The following TMEM132C variants were observed in gnomAD, a reference collection of about 807,000 sequenced individuals.
The protein encoded by TMEM132C is transmembrane protein 132C, also known as protein phosphatase 1, regulatory subunit 152.
In TMEM132C, 29 loss-of-function variants were observed where a neutral mutation model predicts 61.4. That is an observed-to-expected ratio of 0.47 (90% confidence interval 0.35 to 0.64). TMEM132C has a LOEUF of 0.64. TMEM132C is among the 30% of genes least tolerant of loss of function. TMEM132C has a pLI of 0.00. For synonymous variants in TMEM132C, 656 were observed against 633.1 expected (o/e 1.04, Z -0.54); for missense variants, 1,408 against 1,476.9 (o/e 0.95, Z 0.76).
At chr12:128,647,361 G>A (rs1954214766) in intron 4 of TMEM132C, among the ~76,000 whole-genome samples, 1 of 151,370 alleles carries the variant, frequency 6.6e-6, no homozygotes, top group South Asian at 2.1e-4. Flanking sequence ...GTGTTTACTA[G>A]ATCCCATCAG....
rs374244452 is a variant in TMEM132C at position 128,695,913 on chromosome 12, G to A, written c.1739G>A (p.Arg580Gln). The change falls in exon 7 of 9, where the codon CGG becomes CAG. Residue 580 changes from arginine to glutamine, a missense_variant. Coordinates refer to ENST00000435159, the MANE Select transcript of TMEM132C (RefSeq NM_001136103.3). The stretch of plus-strand genomic sequence containing the variant: ...CTGCAATACCAGCACGCCACCGTGC[G>A]GGTCCTCACCCAGTTTGTGTCTGAG... ...CALQYQHATV[R>Q]VLTQFVSEGA... The A allele has an allele frequency of 1.2e-4, 187 of 1,551,598 alleles. 1 individual carries two copies. Among genetic ancestry groups the A allele is most frequent in the Middle Eastern group, 1.7e-4 (1 of 6,010 alleles).
intron 5 of TMEM132C, among the ~76,000 whole-genome samples, chr12:128,687,069 G>A (rs897062439): frequency 6.6e-6 from 1 of 152,004 alleles, no homozygotes; most frequent in Non-Finnish European, 1.5e-5. Flanking sequence ...GGGCATGGTA[G>A]TGCATGCCTG....
At position 128,492,317 on chromosome 12, in the gene TMEM132C, G is replaced by C. The variant is rs373388803; in HGVS notation, c.975-51640G>C. On this transcript the variant is annotated intron_variant, in intron 2 of 8. Coordinates refer to ENST00000435159, the MANE Select transcript of TMEM132C (RefSeq NM_001136103.3). ...ATAGTGCCACAATAAACATACATGT[G>C]CATGTGCCTTTATAGCAGCATGATT... 1.9e-4 allele frequency among the ~76,000 whole-genome samples: 29 copies of C among 152,272 alleles called. No individual in the cohort carries two copies. The East Asian group carries it at 2.1e-3, about 11-fold the overall frequency.
At chr12:128,402,182 G>A (rs182966099) in intron 1 of TMEM132C, among the ~76,000 whole-genome samples, 2 of 152,304 alleles carry the variant, frequency 1.3e-5, no homozygotes, top group East Asian at 3.9e-4. Context: ...CTTCCCTGAA[G>A]CCTCCAGAAG....
At chr12:128,363,095 A>G (rs1476125675) in intron 1 of TMEM132C, among the ~76,000 whole-genome samples, 2 of 152,362 alleles carry the variant, frequency 1.3e-5, no homozygotes, top group Admixed American at 6.5e-5. Context: ...CTATAAATAG[A>G]TTGATTTACT....
intron 2 of TMEM132C, among the ~76,000 whole-genome samples, chr12:128,516,765 T>C (rs1872732721): frequency 6.6e-6 from 1 of 152,016 alleles, no homozygotes; most frequent in African/African-American, 2.4e-5. Flanking sequence ...AATTTTTAAA[T>C]TAGCCAGGTG....
At chr12:128,671,928 G>A (rs61343203) in intron 5 of TMEM132C, among the ~76,000 whole-genome samples, 4,004 of 152,178 alleles carry the variant, frequency 0.026, 187 homozygotes, top group African/African-American at 0.091. Flanking sequence ...AGGAAAAGGG[G>A]GATGAAGTTC....
rs374702273 is a variant in TMEM132C, at chr12:128,630,662, T to C, written c.1305+14327T>C. ...GGCTCGGGAACTTGGCTGTGTCCAC[T>C]CCCTAGTCCTCACCTTCCAGATCAC... On this transcript the variant is annotated intron_variant, in intron 4 of 8. Coordinates refer to ENST00000435159, the MANE Select transcript of TMEM132C (RefSeq NM_001136103.3). The surrounding 1 kb of genome is among the most constrained non-coding windows in gnomAD (Gnocchi z 4.3). 6.6e-5 allele frequency among the ~76,000 whole-genome samples: 10 copies of C among 152,142 alleles called. No individual in the cohort carries two copies. The highest frequency in any genetic ancestry group is 1.9e-4 in the African/African-American group (8 of 41,426).
intron 7 of TMEM132C, among the ~76,000 whole-genome samples, 180 bp from the exon 8 acceptor site, chr12:128,697,044 A>T (rs1400893260): frequency 2.0e-5 from 3 of 152,232 alleles, no homozygotes; most frequent in Non-Finnish European, 4.4e-5. Context: ...GGGAAAGGGT[A>T]ACTTTGATTC....
chr12:128,706,261 G>T lies in TMEM132C; in HGVS notation c.3293G>T (p.Arg1098Ile). ...GCTGTGGGTGCCCCCAAGGAACTTA[G>T]AAACTATCTGGAGAAACTCAAAGAT... ...DVAVGAPKELRNYLEKLKDKA is the reference protein window; with the variant it reads ...DVAVGAPKELINYLEKLKDKA Residue 1098 changes from arginine to isoleucine, a missense_variant, in exon 9 of 9, where the codon AGA becomes ATA. Transcript: ENST00000435159. 6.5e-7 allele frequency: 1 copy of T among 1,549,454 alleles called. No homozygotes were observed.
Position 128,705,833 on chromosome 12 carries a change from G to A in TMEM132C, c.2865G>A (p.Lys955=), listed in dbSNP as rs1026799649. 48 of 1,551,570 alleles carry A rather than the reference G, an allele frequency of 3.1e-5. No homozygotes were observed. In the Middle Eastern group the frequency reaches 1.0e-3, roughly 32 times the overall value. The change falls in exon 9 of 9, where the codon AAG becomes AAA. Residue 955 remains lysine (K), a synonymous_variant. Transcript: ENST00000435159. The part of the protein sequence containing the change: ...CATFALKYRH[K]QVPLEGQASM... ...CCTTTGCCCTGAAGTACAGGCACAA[G>A]CAAGTGCCCCTGGAAGGTCAGGCCT... is the stretch of plus-strand genomic sequence containing the variant.
intron 4 of TMEM132C, 102 bp downstream of exon 4, chr12:128,616,437 A>G (rs1876804848): frequency 8.4e-7 from 1 of 1,186,206 alleles, no homozygotes; most frequent in African/African-American, 1.5e-5. Flanking sequence ...GATTTTATGG[A>G]GTGTTTACTT....
rs1394219297 is a variant in TMEM132C at position 128,665,203 on chromosome 12, A to G, written c.1306-4214A>G. Among the ~76,000 whole-genome samples, 3 of 151,388 alleles carry G rather than the reference A, an allele frequency of 2.0e-5. 1 individual carries two copies. The highest frequency in any genetic ancestry group is 1.3e-4 in the Admixed American group (2 of 15,230). On this transcript the variant is annotated intron_variant, in intron 4 of 8. Coordinates refer to ENST00000435159, the MANE Select transcript of TMEM132C (RefSeq NM_001136103.3). Reference sequence around the variant, plus strand: ...CACACACACAGGCACATGCACCCATATGTAAACAGACACTCATACCTATAC... The same window carrying G: ...CACACACACAGGCACATGCACCCATGTGTAAACAGACACTCATACCTATAC...
chr12:128,508,697 GT>G, intron 2 of TMEM132C, among the ~76,000 whole-genome samples: 1 of 152,206 alleles, frequency 6.6e-6, no homozygotes, highest in Non-Finnish European at 1.5e-5. Context: ...GCTCTCCCTT[GT>G]TCCAGTGTCC....
chr12:128,674,864 G>A (rs1410783547), intron 5 of TMEM132C, among the ~76,000 whole-genome samples: 1 of 149,882 alleles, frequency 6.7e-6, no homozygotes, highest in African/African-American at 2.5e-5. Context: ...AAAGTCCATT[G>A]TATCATTCTA....
At chr12:128,394,013 C>A (rs541386791) in intron 1 of TMEM132C, among the ~76,000 whole-genome samples, 3 of 152,194 alleles carry the variant, frequency 2.0e-5, no homozygotes, top group East Asian at 3.9e-4. Context: ...AAAGGCACAC[C>A]CAAGACTGGG....
chr12:128,348,349 T>A (rs1233072978), intron 1 of TMEM132C, among the ~76,000 whole-genome samples: 1 of 152,264 alleles, frequency 6.6e-6, no homozygotes, highest in East Asian at 1.9e-4. Flanking sequence ...TAGGATTTCC[T>A]GAATACAGAT....
chr12:128,281,252 T>C (rs1870886789), intron 1 of TMEM132C, among the ~76,000 whole-genome samples: 1 of 152,148 alleles, frequency 6.6e-6, no homozygotes, highest in African/African-American at 2.4e-5. Flanking sequence ...ATGAGATAGA[T>C]ACAAGAGGTG....
chr12:128,331,101 C>A (rs1387664597), intron 1 of TMEM132C, among the ~76,000 whole-genome samples: 2 of 151,984 alleles, frequency 1.3e-5, no homozygotes, highest in African/African-American at 2.4e-5. Context: ...TCCCCCTGCC[C>A]CCCAGTCCCT....
Sources: gnomAD v4.1 joint callset for allele counts (sites outside exome capture counted in the v4.1 genomes callset) on GRCh38, gnomAD v4.1.1 for gene constraint, Gnocchi (gnomAD v3.1) non-coding constraint, MANE v1.5 for transcripts, NCBI Gene and HGNC (gene_info 2026-07-23, HGNC 2026-07-21) for gene names.